Variants in CYP7B1 observed in about 807,000 individuals in gnomAD.
CYP7B1 encodes the protein cytochrome P450 family 7 subfamily B member 1.
Under a neutral mutation model 42.7 loss-of-function variants are expected in CYP7B1, and 29 were observed. The observed-to-expected ratio is 0.68, with a 90% CI of 0.51 to 0.93. The LOEUF (loss-of-function observed/expected upper bound fraction) is 0.93, where lower values mean the gene tolerates loss of function less well. Among genes scored for constraint, CYP7B1 ranks in the 40% least tolerant of loss-of-function variants. The pLI, the probability that CYP7B1 is intolerant of heterozygous loss-of-function variation, is 0.00. For missense variants in CYP7B1, 655 were observed against 600.5 expected (o/e 1.09, Z -0.95); for synonymous variants, 235 against 218.2 (o/e 1.08, Z -0.68).
chr8:64,770,719 C>G (rs1379094686), intron 1 of CYP7B1, among the ~76,000 whole-genome samples: 1 of 152,194 alleles, frequency 6.6e-6, no homozygotes, highest in Non-Finnish European at 1.5e-5. Context: ...GAGTTACACA[C>G]ATTGGGTGGA....
At chr8:64,752,133 C>A in intron 1 of CYP7B1, among the ~76,000 whole-genome samples, 1 of 150,362 alleles carries the variant, frequency 6.7e-6, no homozygotes, top group South Asian at 2.1e-4. Flanking sequence ...CACTCATTGC[C>A]AGCAGATGCC....
intron 4 of CYP7B1, among the ~76,000 whole-genome samples, chr8:64,613,665 TAAAAG>T (rs1346582924): frequency 2.0e-5 from 3 of 152,070 alleles, no homozygotes; most frequent in African/African-American, 4.8e-5. Context: ...CAAAGAAAAA[TAAAAG>T]AATATTTGTA....
rs6994261 is a variant in CYP7B1, at chr8:64,592,810, G to A, written c.*3832C>T. On this transcript the variant is annotated 3_prime_UTR_variant, in exon 6 of 6. Coordinates refer to ENST00000310193, the MANE Select transcript of CYP7B1 (RefSeq NM_004820.5). ...AATGAGGACGTTGAAGCTCTGAGAC[G>A]GAAATTGTTTAATAATAAGCCAGTT... Among the ~76,000 whole-genome samples the A allele has an allele frequency of 6.6e-6, 1 of 152,170 alleles. No homozygotes were observed. The highest frequency in any genetic ancestry group is 1.5e-5 in the Non-Finnish European group (1 of 68,040).
intron 1 of CYP7B1, among the ~76,000 whole-genome samples, chr8:64,767,342 A>T (rs1467526054): frequency 2.0e-5 from 3 of 152,190 alleles, no homozygotes; most frequent in African/African-American, 7.2e-5. Context: ...AGGGAAATAG[A>T]AGGGAACTGC....
chr8:64,615,572 A>C (rs1354496344), intron 3 of CYP7B1, 119 bp downstream of exon 3: 1 of 992,024 alleles, frequency 1.0e-6, no homozygotes, highest in Non-Finnish European at 1.6e-6. Flanking sequence ...AAAACATTTT[A>C]TCATTAGCCA....
chr8:64,767,987 G>A (rs1485551000), intron 1 of CYP7B1, among the ~76,000 whole-genome samples: 3 of 152,146 alleles, frequency 2.0e-5, no homozygotes, highest in African/African-American at 7.2e-5. Flanking sequence ...GCAGTCGTTG[G>A]CCAACCTCCC....
chr8:64,769,288 T>A (rs943046018), intron 1 of CYP7B1, among the ~76,000 whole-genome samples: 3 of 152,208 alleles, frequency 2.0e-5, no homozygotes, highest in African/African-American at 7.2e-5. Flanking sequence ...TCTCTACTTT[T>A]TTCTCCCCAG....
chr8:64,631,454 C>G (rs1045389950), intron 1 of CYP7B1, among the ~76,000 whole-genome samples: 2 of 152,100 alleles, frequency 1.3e-5, no homozygotes, highest in Non-Finnish European at 2.9e-5. Context: ...AGACCCAAAA[C>G]TGTAAAACTC....
intron 1 of CYP7B1, among the ~76,000 whole-genome samples, chr8:64,709,200 A>G (rs1011611836): frequency 6.6e-6 from 1 of 152,176 alleles, no homozygotes; most frequent in Non-Finnish European, 1.5e-5. Flanking sequence ...ACTTCCTTGT[A>G]TAGTGAGGAA....
chr8:64,669,444 C>T (rs1026736330), intron 1 of CYP7B1, among the ~76,000 whole-genome samples: 3 of 151,940 alleles, frequency 2.0e-5, no homozygotes, highest in Admixed American at 2.0e-4. Context: ...GGGGCAGGGG[C>T]AGGGGCAGGA....
At chr8:64,675,261 G>A (rs1806428713) in intron 1 of CYP7B1, among the ~76,000 whole-genome samples, 1 of 151,968 alleles carries the variant, frequency 6.6e-6, no homozygotes, top group Admixed American at 6.6e-5. Flanking sequence ...TTCAACAGTA[G>A]ATTCTAAATA....
intron 1 of CYP7B1, among the ~76,000 whole-genome samples, chr8:64,787,097 T>C (rs892110624): frequency 3.3e-5 from 5 of 152,238 alleles, no homozygotes; most frequent in African/African-American, 1.2e-4. Flanking sequence ...TTTTCCCTCC[T>C]AGGCCTCTGG....
intron 1 of CYP7B1, among the ~76,000 whole-genome samples, chr8:64,694,156 C>T (rs1806789558): frequency 6.6e-6 from 1 of 152,146 alleles, no homozygotes; most frequent in Non-Finnish European, 1.5e-5. Flanking sequence ...ATGAAGACCC[C>T]CTTTAATTGC....
intron 1 of CYP7B1, among the ~76,000 whole-genome samples, chr8:64,741,652 A>G (rs184580374): frequency 6.6e-6 from 1 of 152,314 alleles, no homozygotes; most frequent in East Asian, 1.9e-4. Flanking sequence ...CAATTATAGC[A>G]AGGTTATAGG....
downstream of CYP7B1, among the ~76,000 whole-genome samples, chr8:64,588,352 A>G (rs1377966687): frequency 6.6e-6 from 1 of 152,244 alleles, no homozygotes; most frequent in Non-Finnish European, 1.5e-5. Context: ...TATATAAAGC[A>G]ATTACTATTT....
At chr8:64,703,627 G>A (rs1009950723) in intron 1 of CYP7B1, 18 of 151,916 alleles carry the variant, frequency 1.2e-4, no homozygotes, top group Admixed American at 5.3e-4. Flanking sequence ...GTTGGTCAAC[G>A]GCTCTGTCAT....
At chr8:64,788,223 T>G (rs868532830) in intron 1 of CYP7B1, among the ~76,000 whole-genome samples, 1 of 152,220 alleles carries the variant, frequency 6.6e-6, no homozygotes, top group African/African-American at 2.4e-5. Flanking sequence ...TTGTAATAGA[T>G]GGACCACACT....
chr8:64,737,603 C>G (rs971762287), intron 1 of CYP7B1, among the ~76,000 whole-genome samples: 37 of 152,112 alleles, frequency 2.4e-4, no homozygotes, highest in Admixed American at 6.5e-5. Context: ...AAAAATTATG[C>G]CTTGTAAGTA....
intron 1 of CYP7B1, among the ~76,000 whole-genome samples, chr8:64,650,981 C>A (rs73239504): frequency 6.6e-6 from 1 of 152,098 alleles, no homozygotes; most frequent in Non-Finnish European, 1.5e-5. Flanking sequence ...ATAAAATGTA[C>A]TTGCAAGTGC....
Sources: gnomAD v4.1 joint callset for allele counts (sites outside exome capture counted in the v4.1 genomes callset) on GRCh38, gnomAD v4.1.1 for gene constraint, MANE v1.5 for transcripts, NCBI Gene and HGNC (gene_info 2026-07-23, HGNC 2026-07-21) for gene names.